The following USH2A variants were observed in gnomAD, a reference collection of about 807,000 sequenced individuals.
USH2A encodes usherin.
Under a neutral mutation model 538.9 loss-of-function variants are expected in USH2A, and 443 were observed. The observed-to-expected ratio is 0.82, with a 90% CI of 0.76 to 0.89. The LOEUF (loss-of-function observed/expected upper bound fraction) is 0.89. Among genes scored for constraint, USH2A ranks in the 40% least tolerant of loss-of-function variants. USH2A has a pLI of 0.00. For missense variants in USH2A, 6,633 were observed against 6,324.8 expected, an observed-to-expected ratio of 1.05 and a Z score of -1.65; for synonymous variants, 2,413 against 2,273.5, an observed-to-expected ratio of 1.06 and a Z score of -1.75.
chr1:215,742,773 AT>A (rs1660341949), intron 59 of USH2A, among the ~76,000 whole-genome samples: 1 of 152,188 alleles, frequency 6.6e-6, no homozygotes, highest in South Asian at 2.1e-4. Context: ...TTTGGGTGTA[AT>A]TCAACTCTTA....
chr1:216,166,986 G>A (rs890284884), intron 21 of USH2A, among the ~76,000 whole-genome samples: 2 of 151,976 alleles, frequency 1.3e-5, no homozygotes, highest in Non-Finnish European at 2.9e-5. Flanking sequence ...TCTGTCTCAT[G>A]CCTTTATTTT....
chr1:216,252,489 T>C (rs1036813639), intron 11 of USH2A, among the ~76,000 whole-genome samples: 2 of 152,204 alleles, frequency 1.3e-5, no homozygotes, highest in Admixed American at 6.5e-5. Flanking sequence ...TTACAAGATA[T>C]AGTGAAGGAC....
chr1:216,169,636 C>T (rs1295947367), intron 21 of USH2A, among the ~76,000 whole-genome samples: 1 of 152,140 alleles, frequency 6.6e-6, no homozygotes, highest in African/African-American at 2.4e-5. Context: ...CATTTTGATC[C>T]TTGTCCTCAG....
intron 43 of USH2A, 73 bp from the exon 44 acceptor site, chr1:215,867,243 T>G: frequency 6.6e-7 from 1 of 1,512,446 alleles, no homozygotes; most frequent in Non-Finnish European, 9.0e-7. Flanking sequence ...AATTTCTTTT[T>G]TTCTTCACAA....
intron 21 of USH2A, among the ~76,000 whole-genome samples, chr1:216,152,561 C>T (rs143939314): frequency 0.17 from 26,276 of 151,970 alleles, 2,615 homozygotes; most frequent in Non-Finnish European, 0.23. Flanking sequence ...TCCTATAAAA[C>T]GGCCCCACCC....
chr1:216,000,540 G>T lies in USH2A; in HGVS notation c.6348C>A (p.His2116Gln). ...IVTDLAVFTP[H>Q]QFLLSACTHV... ...GTGTGCATGCACTTAGTAGAAACTG[G>T]TGGGGTGTAAATACTGCTAAATCTA... Residue 2116 changes from histidine (H) to glutamine (Q), a missense_variant, in exon 33 of 72, where the codon CAC (histidine) becomes CAA (glutamine). Transcript: ENST00000307340. 1 of 1,613,532 alleles carries T rather than the reference G, an allele frequency of 6.2e-7. No individual in the cohort carries two copies.
chr1:215,909,798 C>T (rs750255212), intron 38 of USH2A, among the ~76,000 whole-genome samples: 14 of 151,740 alleles, frequency 9.2e-5, no homozygotes, highest in Non-Finnish European at 1.6e-4. Context: ...GCCTCATTGA[C>T]GTGAGTCTGG....
chr1:216,347,242 G>C (rs957190398), intron 4 of USH2A, among the ~76,000 whole-genome samples: 4 of 151,992 alleles, frequency 2.6e-5, no homozygotes, highest in African/African-American at 9.7e-5. Context: ...ATTTTATATA[G>C]GAAAGGAAAG....
chr1:216,002,601 A>C (rs1008990305), intron 32 of USH2A, among the ~76,000 whole-genome samples: 7 of 152,158 alleles, frequency 4.6e-5, no homozygotes, highest in Non-Finnish European at 1.0e-4. Flanking sequence ...AATCCACGTG[A>C]CCTTGAAATA....
At chr1:216,349,441 A>G (rs2038236267) in intron 4 of USH2A, among the ~76,000 whole-genome samples, 1 of 152,124 alleles carries the variant, frequency 6.6e-6, no homozygotes, top group African/African-American at 2.4e-5. Flanking sequence ...AGTCATCCTA[A>G]GTCACAGGAT....
chr1:216,285,322 G>A (rs2036860528), intron 11 of USH2A, among the ~76,000 whole-genome samples: 1 of 152,216 alleles, frequency 6.6e-6, no homozygotes, highest in South Asian at 2.1e-4. Flanking sequence ...ATACAGCTCA[G>A]ACTATTGCAT....
chr1:216,246,597 G>A lies in USH2A; in HGVS notation c.2797C>T (p.Gln933Ter), dbSNP rs1394737087. The change falls in exon 13 of 72, where the codon CAG (glutamine) becomes TAG (stop). Residue 933 changes from glutamine to a stop codon, truncating the protein, a stop_gained. Transcript: ENST00000307340. LOFTEE classifies it high-confidence loss of function. ...VPNRQGRRCN[Q>*]CQPGFYISPG... ...ATTTCTTTCTTACCTGGTTGACACT[G>A]ATTACACCTTCTTCCTTGACGATTA... 6.2e-7 allele frequency: 1 copy of A among 1,613,914 alleles called. No homozygotes were observed. Among genetic ancestry groups the A allele is most frequent in the Non-Finnish European group, 8.5e-7 (1 of 1,179,928 alleles).
At chr1:215,888,332 G>A (rs776403120) in intron 41 of USH2A, 94 bp downstream of exon 41, 53 of 1,574,362 alleles carry the variant, frequency 3.4e-5, no homozygotes, top group Non-Finnish European at 4.1e-5. Flanking sequence ...CAACAAATGC[G>A]TTTGTTTAGT....
intron 21 of USH2A, 90 bp downstream of exon 21, chr1:216,175,162 A>G (rs572062346): frequency 6.4e-7 from 1 of 1,574,078 alleles, no homozygotes; most frequent in East Asian, 2.4e-5. Flanking sequence ...AAGTAGGTAT[A>G]ATAAAAATTC....
At chr1:216,037,633 TC>T (rs2030048535) in intron 32 of USH2A, among the ~76,000 whole-genome samples, 1 of 152,130 alleles carries the variant, frequency 6.6e-6, no homozygotes, top group Admixed American at 6.6e-5. Context: ...CTGTAGCTGA[TC>T]TGGGTGCAAC....
At chr1:215,990,745 T>C (rs1667983704) in intron 35 of USH2A, among the ~76,000 whole-genome samples, 1 of 149,098 alleles carries the variant, frequency 6.7e-6, no homozygotes, top group South Asian at 2.1e-4. Flanking sequence ...ACAGGGATTG[T>C]TAATCTTAAT....
chr1:216,201,194 G>A (rs1483092314), intron 16 of USH2A, among the ~76,000 whole-genome samples: 2 of 151,292 alleles, frequency 1.3e-5, no homozygotes, highest in Non-Finnish European at 2.9e-5. Context: ...CTCTCCCCCA[G>A]CCTATCCCCA....
chr1:215,691,495 T>A (rs1231332281), intron 61 of USH2A, among the ~76,000 whole-genome samples: 2 of 152,134 alleles, frequency 1.3e-5, no homozygotes, highest in African/African-American at 2.4e-5. Flanking sequence ...ATGCATAGGT[T>A]TGCATGAGTA....
At chr1:215,810,413 C>G (rs1571709132) in intron 49 of USH2A, among the ~76,000 whole-genome samples, 1 of 152,122 alleles carries the variant, frequency 6.6e-6, no homozygotes, top group African/African-American at 2.4e-5. Flanking sequence ...GAGAAAGTCA[C>G]AGGCCAGTCT....
Sources: gnomAD v4.1 joint callset for allele counts (sites outside exome capture counted in the v4.1 genomes callset) on GRCh38, gnomAD v4.1.1 for gene constraint, MANE v1.5 for transcripts, NCBI Gene and HGNC (gene_info 2026-07-23, HGNC 2026-07-21) for gene names.